The following CDK14 variants were observed in gnomAD, a reference collection of about 807,000 sequenced individuals.
CDK14 encodes cyclin-dependent kinase 14.
In CDK14, 34 loss-of-function variants were observed where a neutral mutation model predicts 60.7. The observed-to-expected ratio is 0.56, with a 90% CI of 0.43 to 0.75. The LOEUF (loss-of-function observed/expected upper bound fraction) is 0.75. CDK14 is among the 30% of genes least tolerant of loss of function. The pLI is 0.00. For missense variants in CDK14, 482 were observed against 564.1 expected (o/e 0.85, Z 1.47); for synonymous variants, 197 against 203.7 (o/e 0.97, Z 0.28).
intron 2 of CDK14, among the ~76,000 whole-genome samples, chr7:90,620,983 G>T (rs956337680): frequency 6.6e-6 from 1 of 152,170 alleles, no homozygotes; most frequent in Non-Finnish European, 1.5e-5. Context: ...CCACTGGTGG[G>T]GTTTGTATGC....
chr7:90,850,344 A>T (rs1450535539), intron 5 of CDK14, among the ~76,000 whole-genome samples: 1 of 152,142 alleles, frequency 6.6e-6, no homozygotes, highest in Non-Finnish European at 1.5e-5. Context: ...CTTAATAGGC[A>T]TTTTCTCTAA....
At chr7:91,135,028 A>C (rs1439837507) in intron 14 of CDK14, among the ~76,000 whole-genome samples, 1 of 151,992 alleles carries the variant, frequency 6.6e-6, no homozygotes, top group East Asian at 1.9e-4. Flanking sequence ...ATTTCTGTCA[A>C]AAAAAAGCAG....
At chr7:90,943,657 TTAAAG>T (rs1455839418) in intron 8 of CDK14, among the ~76,000 whole-genome samples, 2 of 152,226 alleles carry the variant, frequency 1.3e-5, no homozygotes, top group Non-Finnish European at 2.9e-5. Context: ...CATAAACATA[TTAAAG>T]TATTTTATGT....
At chr7:90,999,348 G>GGAGGTC (rs1022552801) in intron 10 of CDK14, among the ~76,000 whole-genome samples, 2 of 151,976 alleles carry the variant, frequency 1.3e-5, no homozygotes, top group African/African-American at 4.8e-5. Flanking sequence ...CAGCACTTTA[G>GGAGGTC]GAGGTCGAGG....
intron 4 of CDK14, among the ~76,000 whole-genome samples, chr7:90,760,829 G>A (rs1804285235): frequency 6.6e-6 from 1 of 152,204 alleles, no homozygotes; most frequent in African/African-American, 2.4e-5. Flanking sequence ...TCCGATCTGT[G>A]TTCCTTCAGA....
intron 2 of CDK14, among the ~76,000 whole-genome samples, chr7:90,702,622 G>A (rs955773158): frequency 6.9e-6 from 1 of 145,436 alleles, no homozygotes; most frequent in African/African-American, 2.7e-5. Context: ...TCTTCAGTTG[G>A]TTATCCTTTA....
chr7:91,139,785 C>CCTTTCTTT (rs71292993), intron 14 of CDK14, among the ~76,000 whole-genome samples: 13,659 of 146,252 alleles, frequency 0.093, 767 homozygotes, highest in East Asian at 0.23. Flanking sequence ...TTTTTTCTTT[C>CCTTTCTTT]CTTTCTTTCT....
chr7:90,678,813 A>T (rs1263697823), intron 2 of CDK14, among the ~76,000 whole-genome samples: 1 of 152,214 alleles, frequency 6.6e-6, no homozygotes, highest in Non-Finnish European at 1.5e-5. Context: ...TGACATAAAA[A>T]GTTCCTTAAG....
chr7:90,924,555 A>G (rs533896143), intron 8 of CDK14, among the ~76,000 whole-genome samples: 1 of 152,352 alleles, frequency 6.6e-6, no homozygotes, highest in Admixed American at 6.5e-5. Flanking sequence ...CTATATGTCA[A>G]TATGCTTGAT....
intron 2 of CDK14, among the ~76,000 whole-genome samples, chr7:90,640,245 C>T (rs1330283191): frequency 6.6e-6 from 1 of 152,082 alleles, no homozygotes; most frequent in Non-Finnish European, 1.5e-5. Flanking sequence ...CGGAGCTGTT[C>T]CTATTCGGCC....
chr7:91,041,711 C>G lies in CDK14; in HGVS notation c.1042-4186C>G, dbSNP rs981889847. Among the ~76,000 whole-genome samples the G allele has an allele frequency of 1.9e-4, 29 of 152,308 alleles. 1 individual carries two copies. In the South Asian group the frequency reaches 5.2e-3, roughly 27 times the overall value. ...CTTGATGAATTTTACTTACAATCCC[C>G]CAACCAGTCATGTGACTTGCAATTT... On this transcript the variant is annotated intron_variant, in intron 10 of 14. Coordinates refer to ENST00000380050, the MANE Select transcript of CDK14 (RefSeq NM_001287135.2).
chr7:90,784,869 C>T (rs568468981), intron 4 of CDK14, among the ~76,000 whole-genome samples: 7 of 152,080 alleles, frequency 4.6e-5, no homozygotes, highest in Non-Finnish European at 1.0e-4. Flanking sequence ...GTATAGTGAG[C>T]ATTTTAACTA....
At chr7:91,185,138 G>A (rs550224221) in intron 14 of CDK14, among the ~76,000 whole-genome samples, 39 of 147,448 alleles carry the variant, frequency 2.6e-4, no homozygotes, top group Non-Finnish European at 4.5e-4. Context: ...TTCTAGACCC[G>A]GGGGACTCAG....
Position 90,729,344 on chromosome 7 carries a change from GT to G in CDK14, c.369+2559del, listed in dbSNP as rs1237046149. Among the ~76,000 whole-genome samples, 360 of 45,190 alleles carry G rather than the reference GT, an allele frequency of 8.0e-3. 4 individuals are homozygous for G. The highest frequency in any genetic ancestry group is 0.03 in the African/African-American group (336 of 11,342). 29.6% of individuals were successfully genotyped at this position (45,190 alleles called of 152,430 possible). On this transcript the variant is annotated intron_variant, in intron 3 of 14. Transcript: ENST00000380050. ...TGCCTTGGATCATGTAGGTATCAAG[GT>G]TTTTTTTTTTTTTTTTTTTTTTTTT...
intron 10 of CDK14, among the ~76,000 whole-genome samples, chr7:91,021,380 A>G (rs1796431246): frequency 6.6e-6 from 1 of 152,210 alleles, no homozygotes; most frequent in South Asian, 2.1e-4. Flanking sequence ...TTAAAGAATT[A>G]TTAGTTAGAA....
chr7:90,685,665 T>TTTTTC (rs1452685149), intron 2 of CDK14, among the ~76,000 whole-genome samples: 1 of 146,618 alleles, frequency 6.8e-6, no homozygotes, highest in African/African-American at 2.5e-5. Flanking sequence ...TTTTTTTTTT[T>TTTTTC]TTTTTTTTTT....
chr7:90,637,136 C>T lies in CDK14; in HGVS notation c.123+32887C>T, dbSNP rs189388680. Among the ~76,000 whole-genome samples, 1,376 of 152,132 alleles carry T rather than the reference C, an allele frequency of 9.0e-3. 13 individuals carry two copies. Among genetic ancestry groups the T allele is most frequent in the African/African-American group, 0.031 (1,270 of 41,474 alleles). On this transcript the variant is annotated intron_variant, in intron 2 of 14. Coordinates refer to ENST00000380050, the MANE Select transcript of CDK14 (RefSeq NM_001287135.2). ...GGGTTTTCTTGGTCTCTATTTCCTT[C>T]AGTTCTGCTCTGATTTTAGTTATTT...
chr7:90,868,258 CATATAT>C (rs1791249524), intron 6 of CDK14, among the ~76,000 whole-genome samples: 1 of 150,702 alleles, frequency 6.6e-6, no homozygotes, highest in Admixed American at 6.6e-5. Flanking sequence ...CTTTATTATA[CATATAT>C]ATTACATATA....
At chr7:91,201,678 G>T (rs893660535) in intron 14 of CDK14, among the ~76,000 whole-genome samples, 1 of 152,182 alleles carries the variant, frequency 6.6e-6, no homozygotes, top group Non-Finnish European at 1.5e-5. Context: ...TAAACTGCAT[G>T]CATGTGTGTA....
Sources: allele counts gnomAD v4.1 joint callset (sites outside exome capture counted in the v4.1 genomes callset), GRCh38; gene constraint gnomAD v4.1.1; transcripts MANE v1.5; gene names NCBI Gene and HGNC (gene_info 2026-07-23, HGNC 2026-07-21).